Variants in NRL observed in about 807,000 individuals in gnomAD.
NRL encodes the protein neural retina leucine zipper, also known as neural retina-specific leucine zipper protein.
A neutral mutation model predicts 12.5 loss-of-function variants in NRL; 16 were observed. That is an observed-to-expected ratio of 1.28 (90% confidence interval 0.87 to 1.95). The LOEUF is 1.95. Ranked by LOEUF, NRL falls within the 30% of genes most tolerant of loss-of-function variation. The probability of loss-of-function intolerance (pLI) is 0.00; values close to 1 mark genes in which losing one functional copy is unlikely to be tolerated. For synonymous variants in NRL, 142 were observed against 150.9 expected, an observed-to-expected ratio of 0.94 and a Z score of 0.43; for missense variants, 314 against 325.8, an observed-to-expected ratio of 0.96 and a Z score of 0.28.
Position 24,081,339 on chromosome 14 carries a change from T to G in NRL, c.611A>C (p.Glu204Ala). 1 of 1,471,684 alleles carries G rather than the reference T, an allele frequency of 6.8e-7. No homozygotes were observed. 91.2% of individuals were successfully genotyped at this position (1,471,684 alleles called of 1,614,324 possible). Reference protein sequence around the residue: ...LAAQLDALRAEVARLARERDL... With the variant: ...LAAQLDALRAAVARLARERDL... ...GCGCTCCCGGGCCAGGCGGGCCACC[T>G]CGGCCCGCAGCGCGTCCAGCTGGGC... Residue 204 changes from glutamate to alanine, a missense_variant, in exon 3 of 3, where the codon GAG becomes GCG. Glu to Ala is a moderately radical substitution (Grantham distance 107, BLOSUM62 -1). Transcript: ENST00000561028. The surrounding 1 kb of genome is among the most constrained non-coding windows in gnomAD (Gnocchi z 4.4).
At chr14:24,088,862 G>A (rs1207506070) in intron 1 of NRL, among the ~76,000 whole-genome samples, 52 of 146,680 alleles carry the variant, frequency 3.5e-4, no homozygotes, top group Admixed American at 3.5e-3. Flanking sequence ...CTGGAGGGCA[G>A]TGGCGCGATC....
chr14:24,084,900 C>T (rs1300568762), intron 1 of NRL, among the ~76,000 whole-genome samples: 1 of 152,164 alleles, frequency 6.6e-6, no homozygotes, highest in Non-Finnish European at 1.5e-5. Flanking sequence ...TCTGAACCAC[C>T]ACCCCTCTAT....
chr14:24,081,810 C>T lies in NRL; in HGVS notation c.382-242G>A, dbSNP rs990770413. ...GGGCGCCCCACGGTGCAGGGCCGGC[C>T]ACGGTCAGGCGAGCCCGTCGCGCAC... On this transcript the variant is annotated intron_variant, in intron 2 of 2. Transcript: ENST00000561028. This position sits in a 1 kb window ranked among gnomAD's most constrained non-coding sequence, Gnocchi z 4.4. 2 of 1,470,962 alleles carry T rather than the reference C, an allele frequency of 1.4e-6. No homozygotes were observed. The highest frequency in any genetic ancestry group is 1.8e-6 in the Non-Finnish European group (2 of 1,115,350). 91.1% of individuals were successfully genotyped at this position (1,470,962 alleles called of 1,614,324 possible). A position where few individuals can be genotyped will look rare whatever the true frequency, so the allele number is the denominator to read the frequency against.
chr14:24,099,916 G>A, intron 1 of NRL: 1 of 1,612,842 alleles, frequency 6.2e-7, no homozygotes, highest in Non-Finnish European at 8.5e-7. Flanking sequence ...GACAGGGGTG[G>A]GTGGAGCAGG....
chr14:24,100,623 A>G, intron 1 of NRL: 1 of 1,028,248 alleles, frequency 9.7e-7, no homozygotes, highest in Non-Finnish European at 1.2e-6. Context: ...TTCTTACAGA[A>G]GGTATTGGGC....
intron 1 of NRL, among the ~76,000 whole-genome samples, chr14:24,113,586 G>A (rs978451575): frequency 6.6e-6 from 1 of 152,230 alleles, no homozygotes; most frequent in Non-Finnish European, 1.5e-5. Flanking sequence ...CCGAGTGCAA[G>A]ATGAAAATAC....
At chr14:24,103,292 G>A (rs767928211) in intron 1 of NRL, 2 of 1,487,064 alleles carry the variant, frequency 1.3e-6, no homozygotes, top group Admixed American at 1.7e-5. Context: ...TCCTGTGTGT[G>A]CACACAGCAC....
intron 1 of NRL, among the ~76,000 whole-genome samples, chr14:24,111,537 C>CTT (rs552190577): frequency 9.1e-5 from 13 of 143,316 alleles, no homozygotes; most frequent in East Asian, 2.0e-4. Flanking sequence ...CCACACTCGG[C>CTT]TTTTTTTTTT....
At chr14:24,104,668 CA>C (rs1255709048) in intron 1 of NRL, among the ~76,000 whole-genome samples, 27 of 144,142 alleles carry the variant, frequency 1.9e-4, no homozygotes, top group Non-Finnish European at 3.4e-4. Flanking sequence ...CAAAACAAAA[CA>C]AAAAAAAAAC....
At position 24,098,524 on chromosome 14, in the gene NRL, G is replaced by A. The variant is rs547420649; in HGVS notation, c.-27-15649C>T. On this transcript the variant is annotated intron_variant, in intron 1 of 2. Transcript: ENST00000561028. ...TCAGCATGGGTCCTGTGGGCTCCCC[G>A]CTGTCCCGCATCGGGGTGCAGCTCA... 37 of 1,614,102 alleles carry A rather than the reference G, an allele frequency of 2.3e-5. No homozygotes were observed. The Admixed American group carries it at 3.3e-4, about 15-fold the overall frequency.
In NRL at chr14:24,082,492, C is replaced by G. The variant is rs2036343680; in HGVS notation, c.357G>C (p.Glu119Asp). Residue 119 changes from glutamate to aspartate, a missense_variant, in exon 2 of 3, where the codon GAG becomes GAC. By Grantham distance (45) the Glu-to-Asp change is conservative. Coordinates refer to ENST00000561028, the MANE Select transcript of NRL (RefSeq NM_001354768.3). Reference sequence around the variant, plus strand: ...CCTGGACGTGCTGGGCTCCTGTCTCCTCTGGGCTCCCTGGGTAGTAGCCAT... The same window carrying G: ...CCTGGACGTGCTGGGCTCCTGTCTCGTCTGGGCTCCCTGGGTAGTAGCCAT... ...GPHGYYPGSP[E>D]ETGAQHVQLA... 8.1e-6 allele frequency: 13 copies of G among 1,612,856 alleles called. No homozygotes were observed. Among genetic ancestry groups the G allele is most frequent in the Non-Finnish European group, 1.1e-5 (13 of 1,180,044 alleles).
chr14:24,096,818 TTCTGTC>T, intron 1 of NRL: 1 of 1,379,520 alleles, frequency 7.2e-7, no homozygotes, highest in Non-Finnish European at 1.0e-6. Flanking sequence ...AGCCCAAGCT[TTCTGTC>T]TCTCCACCAC....
Position 24,081,201 on chromosome 14 carries a change from C to G in NRL, c.*35G>C. 1 of 1,375,274 alleles carries G rather than the reference C, an allele frequency of 7.3e-7. No individual in the cohort carries two copies. The highest frequency in any genetic ancestry group is 9.5e-7 in the Non-Finnish European group (1 of 1,050,214). 85.2% of individuals were successfully genotyped at this position (1,375,274 alleles called of 1,614,324 possible). On this transcript the variant is annotated 3_prime_UTR_variant, in exon 3 of 3. Coordinates refer to ENST00000561028, the MANE Select transcript of NRL (RefSeq NM_001354768.3). The surrounding 1 kb of genome is among the most constrained non-coding windows in gnomAD (Gnocchi z 4.4). ...GCCTCCTGGGCGGAGCCACCCCACC[C>G]AGCCCCCACTACACCACAAGGTGCT...
intron 1 of NRL, among the ~76,000 whole-genome samples, chr14:24,110,816 G>C (rs2037407151): frequency 6.6e-6 from 1 of 152,208 alleles, no homozygotes; most frequent in Non-Finnish European, 1.5e-5. Flanking sequence ...GAGTTTTGTA[G>C]ACAGCTTCCC....
At chr14:24,090,282 CACGGGGGGGGA>C (rs2036585202) in intron 1 of NRL, among the ~76,000 whole-genome samples, 1 of 8,614 alleles carries the variant, frequency 1.2e-4, no homozygotes, top group Non-Finnish European at 3.3e-4. Context: ...GGGGGGGGGG[CACGGGGGGGGA>C]CTTTCAAAGA....
At chr14:24,102,890 G>A (rs1435052244) in intron 1 of NRL, 2 of 1,612,958 alleles carry the variant, frequency 1.2e-6, no homozygotes, top group Non-Finnish European at 1.7e-6. Context: ...CAGACCCAAA[G>A]GTAAACAACA....
At chr14:24,097,030 A>G (rs755700790) in intron 1 of NRL, 1 of 1,613,622 alleles carries the variant, frequency 6.2e-7, no homozygotes, top group African/African-American at 1.3e-5. Flanking sequence ...GCCTGTGCCA[A>G]CCAGAGGGCA....
chr14:24,103,724 G>T, intron 1 of NRL: 1 of 1,614,230 alleles, frequency 6.2e-7, no homozygotes, highest in South Asian at 1.1e-5. Flanking sequence ...TCTGCCGGCG[G>T]TTAGAGGGGG....
chr14:24,082,593 C>A lies in NRL; in HGVS notation c.256G>T (p.Glu86Ter). 6.2e-7 allele frequency: 1 copy of A among 1,613,804 alleles called. No homozygotes were observed. Among genetic ancestry groups the A allele is most frequent in the African/African-American group, 1.3e-5 (1 of 75,062 alleles). Residue 86 changes from glutamate to a stop codon, truncating the protein, a stop_gained, in exon 2 of 3, where the codon GAG becomes TAG. Transcript: ENST00000561028. LOFTEE classifies it high-confidence loss of function. Reference sequence around the variant, plus strand: ...TCTTCAGGACTCAGCCCCAATGCCTCCCCAGCCCCCAGCTGCTGCTGCAGG... The same window carrying A: ...TCTTCAGGACTCAGCCCCAATGCCTACCCAGCCCCCAGCTGCTGCTGCAGG... ...ATLQQQLGAG[E>*]ALGLSPEEAM... is the part of the protein sequence containing the mutation.
Sources: allele counts gnomAD v4.1 joint callset (sites outside exome capture counted in the v4.1 genomes callset), GRCh38; gene constraint gnomAD v4.1.1; non-coding constraint Gnocchi (gnomAD v3.1); transcripts MANE v1.5; gene names NCBI Gene and HGNC (gene_info 2026-07-23, HGNC 2026-07-21).